NRL: variants seen among roughly 807,000 people sequenced by gnomAD.
NRL encodes neural retina leucine zipper.
In NRL, 16 loss-of-function variants were observed where a neutral mutation model predicts 12.5. The ratio of observed to expected loss-of-function variants is 1.28; its 90% CI spans 0.87 to 1.95. NRL has a LOEUF of 1.95. NRL is among the 30% of genes most tolerant of loss of function. The pLI, the probability that NRL is intolerant of heterozygous loss-of-function variation, is 0.00. For missense variants in NRL, 314 were observed against 325.8 expected (o/e 0.96, Z 0.28); for synonymous variants, 142 against 150.9 (o/e 0.94, Z 0.43).
Position 24,085,137 on chromosome 14 carries a change from GC to G in NRL, c.-27-2263del, listed in dbSNP as rs2036433799. ...CCATCTTCATGCTGACTGGTCTTATGCCCCTCATAGCCGTCGCATCAGAAAG... is the reference window on the plus strand; with the variant it reads ...CCATCTTCATGCTGACTGGTCTTATGCCCTCATAGCCGTCGCATCAGAAAG... On this transcript the variant is annotated intron_variant, in intron 1 of 2. Coordinates refer to ENST00000561028, the MANE Select transcript of NRL (RefSeq NM_001354768.3). This position sits in a 1 kb window ranked among gnomAD's most constrained non-coding sequence, Gnocchi z 4.1. Among the ~76,000 whole-genome samples the G allele has an allele frequency of 6.6e-6, 1 of 152,166 alleles. No homozygotes were observed. Among genetic ancestry groups the G allele is most frequent in the Non-Finnish European group, 1.5e-5 (1 of 68,046 alleles).
chr14:24,095,322 T>C, intron 1 of NRL: 2 of 435,216 alleles, frequency 4.6e-6, no homozygotes, highest in South Asian at 3.2e-5. Context: ...CTCAAGACTG[T>C]GTGCTTGAAA....
chr14:24,099,854 C>T (rs2037084775), intron 1 of NRL: 2 of 1,552,198 alleles, frequency 1.3e-6, no homozygotes, highest in African/African-American at 2.7e-5. Flanking sequence ...CCTCTGGCAG[C>T]CCAGCCACCC....
intron 1 of NRL, chr14:24,104,270 G>A (rs2037287950): frequency 2.7e-6 from 1 of 366,662 alleles, no homozygotes; most frequent in Non-Finnish European, 5.1e-6. Context: ...TCTAGCACTG[G>A]GTCACAGACA....
chr14:24,082,368 T>C, intron 2 of NRL, 100 bp downstream of exon 2: 5 of 1,468,856 alleles, frequency 3.4e-6, no homozygotes, highest in East Asian at 2.3e-5. Flanking sequence ...CTCTGTCCCC[T>C]GTCCCAGTCC....
chr14:24,084,494 C>T, intron 1 of NRL: 3 of 952,668 alleles, frequency 3.1e-6, no homozygotes, highest in Non-Finnish European at 3.8e-6. Context: ...CGGCCTGACA[C>T]CCAGGTAGGC....
chr14:24,083,367 G>A (rs1006028346), intron 1 of NRL, among the ~76,000 whole-genome samples: 1 of 152,218 alleles, frequency 6.6e-6, no homozygotes, highest in Non-Finnish European at 1.5e-5. Context: ...GTCTCTCAAA[G>A]CACTCAGGGA....
chr14:24,098,568 T>C, intron 1 of NRL: 1 of 1,614,178 alleles, frequency 6.2e-7, no homozygotes, highest in African/African-American at 1.3e-5. Context: ...GCCTATGTGG[T>C]GGCAAGCATG....
chr14:24,114,940 T>C lies in NRL; in HGVS notation c.-246A>G. 1 of 986,006 alleles carries C rather than the reference T, an allele frequency of 1.0e-6. No individual in the cohort carries two copies. Among genetic ancestry groups the C allele is most frequent in the Non-Finnish European group, 1.2e-6 (1 of 830,002 alleles). The allele number at this position is 986,006 out of a possible 1,614,324, so 61.1% of individuals were successfully genotyped here. On this transcript the variant is annotated 5_prime_UTR_variant, in exon 1 of 3. Transcript: ENST00000561028. ...CTCCTGGCTGGTGGGTGGTCTCGCG[T>C]GGGGCGGTTACCGCCGGCTTCAGTG...
chr14:24,094,552 C>T lies in NRL; in HGVS notation c.-27-11677G>A, dbSNP rs571500314. ...CCAGGTTTCCCATCCTAGGCGGAGG[C>T]GGGCAGGGGCGACTGCTGTGGGTCC... On this transcript the variant is annotated intron_variant, in intron 1 of 2. Coordinates refer to ENST00000561028, the MANE Select transcript of NRL (RefSeq NM_001354768.3). This position sits in a 1 kb window ranked among gnomAD's most constrained non-coding sequence, Gnocchi z 4.1. 72 of 1,437,856 alleles carry T rather than the reference C, an allele frequency of 5.0e-5. 1 individual carries two copies. The African/African-American group carries it at 8.8e-4, about 18-fold the overall frequency. 89.1% of individuals were successfully genotyped at this position (1,437,856 alleles called of 1,614,324 possible). A position where few individuals can be genotyped will look rare whatever the true frequency, so the allele number is the denominator to read the frequency against.
In NRL at chr14:24,081,693, C is replaced by G; in HGVS notation, c.382-125G>C. Reference sequence around the variant, plus strand: ...CCCGGCTCCCACCTTCACCGGAAGGCTCGCCCTTCCACGCAGTCTGTTTCG... The same window carrying G: ...CCCGGCTCCCACCTTCACCGGAAGGGTCGCCCTTCCACGCAGTCTGTTTCG... On this transcript the variant is annotated intron_variant, in intron 2 of 2. Coordinates refer to ENST00000561028, the MANE Select transcript of NRL (RefSeq NM_001354768.3). This position sits in a 1 kb window ranked among gnomAD's most constrained non-coding sequence, Gnocchi z 4.4. 6.6e-7 allele frequency: 1 copy of G among 1,523,662 alleles called. No individual in the cohort carries two copies. The allele number at this position is 1,523,662 out of a possible 1,614,324, so 94.4% of individuals were successfully genotyped here. A position where few individuals can be genotyped will look rare whatever the true frequency, so the allele number is the denominator to read the frequency against.
chr14:24,103,059 C>T (rs1433334856), intron 1 of NRL: 24 of 1,206,060 alleles, frequency 2.0e-5, no homozygotes, highest in Middle Eastern at 3.8e-4. Flanking sequence ...ATGGGATAGC[C>T]GAGGTCTTAG....
rs1040560141 is a variant in NRL, at chr14:24,081,709, G to C, written c.382-141C>G. On this transcript the variant is annotated intron_variant, in intron 2 of 2. Transcript: ENST00000561028. This position sits in a 1 kb window ranked among gnomAD's most constrained non-coding sequence, Gnocchi z 4.4. ...ACCGGAAGGCTCGCCCTTCCACGCA[G>C]TCTGTTTCGGTCCAGAGCCCGCCCC... 8 of 1,525,404 alleles carry C rather than the reference G, an allele frequency of 5.2e-6. No individual in the cohort carries two copies. The East Asian group carries it at 2.0e-4, about 38-fold the overall frequency. 94.5% of individuals were successfully genotyped at this position (1,525,404 alleles called of 1,614,324 possible).
chr14:24,102,931 ATC>A (rs1167466903), intron 1 of NRL: 4 of 1,593,692 alleles, frequency 2.5e-6, no homozygotes, highest in African/African-American at 2.7e-5. Context: ...CAAAAGGGCT[ATC>A]TCTGTATTAG....
intron 1 of NRL, chr14:24,099,497 T>C: frequency 1.3e-6 from 2 of 1,485,318 alleles, no homozygotes; most frequent in Non-Finnish European, 9.1e-7. Flanking sequence ...CCCTTCCCCA[T>C]GCAGACCATG....
intron 1 of NRL, among the ~76,000 whole-genome samples, chr14:24,092,670 G>A (rs1481047489): frequency 6.6e-6 from 1 of 152,150 alleles, no homozygotes; most frequent in Non-Finnish European, 1.5e-5. Flanking sequence ...GAAGAGACGG[G>A]GACCAGTAGC....
At position 24,081,120 on chromosome 14, in the gene NRL, A is replaced by G. The variant is rs892053867; in HGVS notation, c.*116T>C. ...TTTGGGGATATTTGCGCGGTCATACAGGGCGTGGCTAGGACCAGAAGGCGC... is the reference window on the plus strand; with the variant it reads ...TTTGGGGATATTTGCGCGGTCATACGGGGCGTGGCTAGGACCAGAAGGCGC... On this transcript the variant is annotated 3_prime_UTR_variant, in exon 3 of 3. Transcript: ENST00000561028. The surrounding 1 kb of genome is among the most constrained non-coding windows in gnomAD (Gnocchi z 4.4). 5 of 642,634 alleles carry G rather than the reference A, an allele frequency of 7.8e-6. No individual in the cohort carries two copies. The Admixed American group carries it at 2.2e-4, about 28-fold the overall frequency. The allele number at this position is 642,634 out of a possible 1,614,324, so 39.8% of individuals were successfully genotyped here.
chr14:24,099,275 A>C lies in NRL; in HGVS notation c.-28+15447T>G, dbSNP rs74040009. 5.2e-3 allele frequency: 8,164 copies of C among 1,560,732 alleles called. 47 individuals carry two copies. Among genetic ancestry groups the C allele is most frequent in the African/African-American group, 0.029 (2,184 of 74,320 alleles). On this transcript the variant is annotated intron_variant, in intron 1 of 2. Transcript: ENST00000561028. ...GAGAAGCAGGGCAGCTGCCGGGGAC[A>C]GGGCAGGGGTGGGGCCTGGCCAGTC...
intron 1 of NRL, among the ~76,000 whole-genome samples, chr14:24,101,119 GC>G (rs1215114309): frequency 6.6e-6 from 1 of 152,018 alleles, no homozygotes; most frequent in Non-Finnish European, 1.5e-5. Flanking sequence ...CCATCATTAA[GC>G]CCCCCTCAGC....
At chr14:24,100,037 T>A in intron 1 of NRL, 1 of 1,613,994 alleles carries the variant, frequency 6.2e-7, no homozygotes, top group Middle Eastern at 1.6e-4. Flanking sequence ...TTCTTTGGGG[T>A]TGCCCCTGGT....
Sources: allele counts gnomAD v4.1 joint callset (sites outside exome capture counted in the v4.1 genomes callset), GRCh38; gene constraint gnomAD v4.1.1; non-coding constraint Gnocchi (gnomAD v3.1); transcripts MANE v1.5; gene names NCBI Gene and HGNC (gene_info 2026-07-23, HGNC 2026-07-21).